Variants in DCC observed in about 807,000 individuals in gnomAD.
The protein encoded by DCC is DCC netrin 1 receptor.
Under a neutral mutation model 172.5 loss-of-function variants are expected in DCC, and 58 were observed. The ratio of observed to expected loss-of-function variants is 0.34; its 90% CI spans 0.27 to 0.42. The LOEUF (loss-of-function observed/expected upper bound fraction) is 0.42. DCC is among the 10% of genes least tolerant of loss of function. The pLI, the probability that DCC is intolerant of heterozygous loss-of-function variation, is 1.00. For missense variants in DCC, 1,740 were observed against 1,791.0 expected (o/e 0.97, Z 0.51); for synonymous variants, 709 against 644.5 (o/e 1.10, Z -1.52).
At chr18:52,358,447 G>T (rs555104981) in intron 1 of DCC, among the ~76,000 whole-genome samples, 15 of 152,288 alleles carry the variant, frequency 9.8e-5, no homozygotes, top group African/African-American at 2.6e-4. Context: ...TTCTTCATCT[G>T]TAAAGCAGGA....
intron 1 of DCC, among the ~76,000 whole-genome samples, chr18:52,590,158 GGTGTGTGTGTGT>G (rs4041438): frequency 6.7e-6 from 1 of 148,936 alleles, no homozygotes; most frequent in African/African-American, 2.5e-5. Context: ...TGGTATAAAT[GGTGTGTGTGTGT>G]GTGTGTGTGT....
At chr18:52,595,449 T>C (rs914817269) in intron 1 of DCC, among the ~76,000 whole-genome samples, 10 of 152,222 alleles carry the variant, frequency 6.6e-5, no homozygotes, top group Non-Finnish European at 1.5e-4. Context: ...TTATTTTCTC[T>C]ATTCCAGATA....
In DCC at chr18:52,433,049, A is replaced by G. The variant is rs141320377; in HGVS notation, c.91+92171A>G. 1.7e-3 allele frequency among the ~76,000 whole-genome samples: 266 copies of G among 152,336 alleles called. 6 individuals carry two copies. The East Asian group carries it at 0.042, about 24-fold the overall frequency. ...ATTTTTTACTAATCTTTATTAGAAC[A>G]TCAAATGAGATTATTCTTGTTAATG... On this transcript the variant is annotated intron_variant, in intron 1 of 28. Coordinates refer to ENST00000442544, the MANE Select transcript of DCC (RefSeq NM_005215.4).
chr18:52,740,962 C>A (rs1457380545), intron 1 of DCC, among the ~76,000 whole-genome samples: 1 of 152,100 alleles, frequency 6.6e-6, no homozygotes, highest in African/African-American at 2.4e-5. Flanking sequence ...GCTGAAGATG[C>A]CTCCTTGTTT....
At chr18:53,377,722 A>C (rs1464713878) in intron 15 of DCC, among the ~76,000 whole-genome samples, 1 of 152,224 alleles carries the variant, frequency 6.6e-6, no homozygotes, top group African/African-American at 2.4e-5. Context: ...TAAAAGGCCT[A>C]ATTAGGCATC....
intron 1 of DCC, among the ~76,000 whole-genome samples, chr18:52,390,957 T>G (rs997845443): frequency 6.6e-5 from 10 of 152,084 alleles, no homozygotes; most frequent in Non-Finnish European, 1.3e-4. Flanking sequence ...TTACCAAAAG[T>G]CTTATCATCT....
intron 1 of DCC, among the ~76,000 whole-genome samples, chr18:52,468,966 A>G (rs2144556034): frequency 6.6e-6 from 1 of 152,328 alleles, no homozygotes; most frequent in East Asian, 1.9e-4. Flanking sequence ...TTGTAAACTG[A>G]CAACAATAAG....
chr18:53,111,525 T>G (rs1280498684), intron 7 of DCC, among the ~76,000 whole-genome samples: 1 of 151,448 alleles, frequency 6.6e-6, no homozygotes, highest in Non-Finnish European at 1.5e-5. Flanking sequence ...CAGAAAAATG[T>G]CCACTCTGAT....
chr18:52,683,839 T>C (rs1288586955), intron 1 of DCC, among the ~76,000 whole-genome samples: 1 of 152,044 alleles, frequency 6.6e-6, no homozygotes, highest in Non-Finnish European at 1.5e-5. Context: ...GTACAGTGGG[T>C]AAAAACCACG....
rs144069162 is a variant in DCC, at chr18:53,094,179, G to A, written c.1261+28013G>A. Among the ~76,000 whole-genome samples the A allele has an allele frequency of 5.5e-3, 833 of 152,210 alleles. 5 individuals are homozygous for A. The highest frequency in any genetic ancestry group is 9.0e-3 in the Non-Finnish European group (615 of 68,006). ...CGGGACCAGAGTATTTAAGCTTTTA[G>A]GATCCATTTGTGTTATATGATGAAA... On this transcript the variant is annotated intron_variant, in intron 7 of 28. Transcript: ENST00000442544.
chr18:53,481,583 A>C (rs2145209811), intron 25 of DCC, among the ~76,000 whole-genome samples: 1 of 152,304 alleles, frequency 6.6e-6, no homozygotes, highest in Non-Finnish European at 1.5e-5. Context: ...GAAGATAAAA[A>C]GAGGCAGAAT....
chr18:52,960,506 A>G, intron 5 of DCC, among the ~76,000 whole-genome samples: 1 of 151,930 alleles, frequency 6.6e-6, no homozygotes, highest in Non-Finnish European at 1.5e-5. Flanking sequence ...AAACTCATTT[A>G]TTTTTCTTCA....
rs557715344 is a variant in DCC, at chr18:53,288,661, G to A, written c.1912-16917G>A. On this transcript the variant is annotated intron_variant, in intron 12 of 28. Transcript: ENST00000442544. ...GCTGCTAATTGTTAATCAATTAGAT[G>A]CAGAACGATTACATATCTAATTGAA... 5.1e-4 allele frequency among the ~76,000 whole-genome samples: 78 copies of A among 152,208 alleles called. No homozygotes were observed. The South Asian group carries it at 0.016, about 31-fold the overall frequency.
At chr18:52,394,179 A>C (rs1164078923) in intron 1 of DCC, among the ~76,000 whole-genome samples, 1 of 152,120 alleles carries the variant, frequency 6.6e-6, no homozygotes, top group African/African-American at 2.4e-5. Context: ...TACCCAAGGC[A>C]TCCTCGTCTT....
At chr18:53,248,304 T>C (rs1246103522) in intron 12 of DCC, among the ~76,000 whole-genome samples, 1 of 151,970 alleles carries the variant, frequency 6.6e-6, no homozygotes, top group Non-Finnish European at 1.5e-5. Context: ...ATTCTGGAAA[T>C]CCTAAACCTT....
intron 25 of DCC, among the ~76,000 whole-genome samples, chr18:53,485,831 G>A (rs530741510): frequency 6.6e-6 from 1 of 151,996 alleles, no homozygotes; most frequent in Non-Finnish European, 1.5e-5. Flanking sequence ...TATAAAATGA[G>A]GAATATGACA....
chr18:53,395,377 G>C (rs1908862935), intron 17 of DCC, among the ~76,000 whole-genome samples: 1 of 152,186 alleles, frequency 6.6e-6, no homozygotes, highest in Admixed American at 6.5e-5. Context: ...TCAAATGCCA[G>C]TGGTGTCTGT....
chr18:53,529,808 A>G (rs929198069), intron 28 of DCC, among the ~76,000 whole-genome samples: 1 of 152,190 alleles, frequency 6.6e-6, no homozygotes, highest in Non-Finnish European at 1.5e-5. Flanking sequence ...TAGTAATTCT[A>G]TTACTTACTG....
chr18:52,552,717 T>G (rs2032809652), intron 1 of DCC, among the ~76,000 whole-genome samples: 1 of 152,078 alleles, frequency 6.6e-6, no homozygotes, highest in African/African-American at 2.4e-5. Flanking sequence ...AAAAATTGTC[T>G]TCATTTATTT....
Sources: allele counts gnomAD v4.1 joint callset (sites outside exome capture counted in the v4.1 genomes callset), GRCh38; gene constraint gnomAD v4.1.1; transcripts MANE v1.5; gene names NCBI Gene and HGNC (gene_info 2026-07-23, HGNC 2026-07-21).